TJP2: variants seen among roughly 807,000 people sequenced by gnomAD.
The protein encoded by TJP2 is tight junction protein 2.
TJP2 carries 91 observed loss-of-function variants against 133.1 expected under a neutral mutation model. The observed-to-expected ratio is 0.68, with a 90% CI of 0.58 to 0.81. The LOEUF is 0.81. Among genes scored for constraint, TJP2 ranks in the 40% least tolerant of loss-of-function variants. TJP2 has a pLI of 0.00. For missense variants in TJP2, 1,541 were observed against 1,565.6 expected (o/e 0.98, Z 0.26); for synonymous variants, 592 against 583.4 (o/e 1.01, Z -0.21).
chr9:69,184,520 C>T (rs538619545), intron 1 of TJP2, among the ~76,000 whole-genome samples: 9 of 152,184 alleles, frequency 5.9e-5, no homozygotes, highest in Non-Finnish European at 4.4e-5. Flanking sequence ...TGCTTTCCTT[C>T]ATCCTTCCAA....
intron 1 of TJP2, among the ~76,000 whole-genome samples, chr9:69,178,839 A>G (rs1825280757): frequency 6.6e-6 from 1 of 152,230 alleles, no homozygotes; most frequent in African/African-American, 2.4e-5. Flanking sequence ...GATGAAGGAC[A>G]TCACTGTATT....
chr9:69,215,698 T>TC (rs976820424), intron 2 of TJP2, among the ~76,000 whole-genome samples: 11 of 151,912 alleles, frequency 7.2e-5, no homozygotes, highest in Non-Finnish European at 1.5e-4. Flanking sequence ...AGGTTTTTTT[T>TC]TTTTTAATAT....
intron 2 of TJP2, among the ~76,000 whole-genome samples, chr9:69,213,217 C>T (rs2133216105): frequency 6.6e-6 from 1 of 152,166 alleles, no homozygotes; most frequent in Admixed American, 6.5e-5. Flanking sequence ...GCGCCTATCA[C>T]CACGCCCGGC....
chr9:69,159,712 A>G (rs911490399), intron 2 of TJP2, among the ~76,000 whole-genome samples: 7 of 152,176 alleles, frequency 4.6e-5, no homozygotes, highest in African/African-American at 1.7e-4. Flanking sequence ...CCCCGTCTCT[A>G]CCAAAAATGC....
upstream of TJP2, chr9:69,173,984 G>A: frequency 4.1e-6 from 4 of 985,330 alleles, no homozygotes; most frequent in Non-Finnish European, 4.8e-6. Context: ...CGTGGGGGCT[G>A]CGGGCCGCTC....
intron 1 of TJP2, among the ~76,000 whole-genome samples, chr9:69,200,000 C>A (rs999881632): frequency 1.3e-5 from 2 of 152,256 alleles, no homozygotes; most frequent in East Asian, 1.9e-4. Context: ...TAATGACTTC[C>A]TTCCTCTCCA....
intron 1 of TJP2, 83 bp downstream of exon 1, chr9:69,174,515 G>C: frequency 7.0e-7 from 1 of 1,424,700 alleles, no homozygotes; most frequent in South Asian, 1.2e-5. Flanking sequence ...CTCGCGTGCT[G>C]CTCTGAAGTT....
chr9:69,181,667 T>G (rs1825521096), intron 1 of TJP2, among the ~76,000 whole-genome samples: 1 of 152,220 alleles, frequency 6.6e-6, no homozygotes, highest in African/African-American at 2.4e-5. Context: ...CATTCTAAAT[T>G]ATTTCCATTG....
intron 21 of TJP2, among the ~76,000 whole-genome samples, chr9:69,251,979 C>A (rs1289300202): frequency 6.6e-6 from 1 of 151,798 alleles, no homozygotes; most frequent in Non-Finnish European, 1.5e-5. Context: ...CCACTTTTTT[C>A]TTTTATTTAT....
At chr9:69,239,521 A>G (rs1215498848) in intron 16 of TJP2, among the ~76,000 whole-genome samples, 2 of 152,140 alleles carry the variant, frequency 1.3e-5, no homozygotes, top group African/African-American at 4.8e-5. Flanking sequence ...CTGCTTCTTG[A>G]TTTAAATTTA....
intron 1 of TJP2, among the ~76,000 whole-genome samples, chr9:69,142,294 T>C (rs552529971): frequency 6.6e-6 from 1 of 152,324 alleles, no homozygotes; most frequent in Non-Finnish European, 1.5e-5. Context: ...GATGAATGAC[T>C]CTGAGGAGAG....
chr9:69,210,098 C>G (rs565529905), intron 1 of TJP2, among the ~76,000 whole-genome samples: 8 of 151,868 alleles, frequency 5.3e-5, no homozygotes, highest in African/African-American at 1.9e-4. Flanking sequence ...ATGAGCCTGG[C>G]CAACATGGTG....
chr9:69,226,589 C>T (rs1445385667), intron 7 of TJP2, among the ~76,000 whole-genome samples: 1 of 152,148 alleles, frequency 6.6e-6, no homozygotes, highest in African/African-American at 2.4e-5. Context: ...ACCTCTGCCT[C>T]CCAGGTTCAA....
chr9:69,166,579 C>G (rs958741842), intron 2 of TJP2, among the ~76,000 whole-genome samples: 6 of 151,834 alleles, frequency 4.0e-5, no homozygotes, highest in Non-Finnish European at 8.8e-5. Flanking sequence ...CTCATCTCTA[C>G]TAAAAATAAT....
chr9:69,235,398 C>T (rs560866954), intron 12 of TJP2, among the ~76,000 whole-genome samples: 20 of 152,150 alleles, frequency 1.3e-4, no homozygotes, highest in African/African-American at 4.6e-4. Flanking sequence ...TCTTGGCTCA[C>T]TGCAAGCTCT....
At chr9:69,137,796 G>C (rs1025674856) in intron 1 of TJP2, among the ~76,000 whole-genome samples, 1 of 152,106 alleles carries the variant, frequency 6.6e-6, no homozygotes, top group African/African-American at 2.4e-5. Context: ...ATTTGCCTCA[G>C]ATCTTTCCTC....
chr9:69,254,561 G>A lies in TJP2; in HGVS notation c.*187G>A. The A allele has an allele frequency of 1.4e-6, 1 of 715,972 alleles. No homozygotes were observed. Among genetic ancestry groups the A allele is most frequent in the South Asian group, 1.6e-5 (1 of 60,792 alleles). The allele number at this position is 715,972 out of a possible 1,614,324, so 44.4% of individuals were successfully genotyped here. On this transcript the variant is annotated 3_prime_UTR_variant, in exon 23 of 23. Coordinates refer to ENST00000377245, the MANE Select transcript of TJP2 (RefSeq NM_004817.4). ...AAATTCAGAACTGAGGGCTCTGTTT[G>A]TGGGACTGGGTTAGAGGAGTCTGTG...
At chr9:69,148,609 A>G (rs895490093) in intron 1 of TJP2, among the ~76,000 whole-genome samples, 1 of 151,792 alleles carries the variant, frequency 6.6e-6, no homozygotes, top group Non-Finnish European at 1.5e-5. Flanking sequence ...ACCCCAAGTG[A>G]TCCACCCGCC....
chr9:69,248,284 G>T, intron 19 of TJP2, 60 bp downstream of exon 19: 1 of 1,530,460 alleles, frequency 6.5e-7, no homozygotes, highest in Admixed American at 2.0e-5. Flanking sequence ...TTGCACTCTC[G>T]TGGACAGCTG....
Sources: gnomAD v4.1 joint callset for allele counts (sites outside exome capture counted in the v4.1 genomes callset) on GRCh38, gnomAD v4.1.1 for gene constraint, MANE v1.5 for transcripts, NCBI Gene and HGNC (gene_info 2026-07-23, HGNC 2026-07-21) for gene names.